Variants in GMDS observed in about 807,000 individuals in gnomAD.
GMDS encodes GDP-mannose 4,6 dehydratase.
Under a neutral mutation model 49.9 loss-of-function variants are expected in GMDS, and 20 were observed. That is an observed-to-expected ratio of 0.40 (90% CI 0.28 to 0.58). The LOEUF is 0.58. Ranked by LOEUF, GMDS falls within the 20% of genes least tolerant of loss-of-function variation. The pLI, the probability that GMDS is intolerant of heterozygous loss-of-function variation, is 0.42. For missense variants in GMDS, 362 were observed against 481.4 expected (o/e 0.75, Z 2.32); for synonymous variants, 177 against 178.6 (o/e 0.99, Z 0.07).
rs539978364 is a variant in GMDS at position 2,044,900 on chromosome 6, G to GT, written c.345+70870dup. Among the ~76,000 whole-genome samples the GT allele has an allele frequency of 6.4e-4, 93 of 144,478 alleles. 2 individuals are homozygous for GT. In the East Asian group the frequency reaches 0.015, roughly 23 times the overall value. The allele number at this position is 144,478 out of a possible 152,430, so 94.8% of individuals were successfully genotyped here. A position where few individuals can be genotyped will look rare whatever the true frequency, so the allele number is the denominator to read the frequency against. Reference sequence around the variant, plus strand: ...TTCTTTTCTGTGTGTGTGTGTGTGTGTTTTTTTCAGGCCTTTGATAACTTT... The same window carrying GT: ...TTCTTTTCTGTGTGTGTGTGTGTGTGTTTTTTTTCAGGCCTTTGATAACTTT... On this transcript the variant is annotated intron_variant, in intron 4 of 10. Transcript: ENST00000380815.
At chr6:1,656,546 G>A (rs62390653) in intron 9 of GMDS, among the ~76,000 whole-genome samples, 19,491 of 152,058 alleles carry the variant, frequency 0.13, 1,695 homozygotes, top group Non-Finnish European at 0.18. Context: ...GGCAGATCAC[G>A]AGGTCAGGAG....
intron 4 of GMDS, among the ~76,000 whole-genome samples, chr6:2,058,939 G>A (rs999245058): frequency 6.6e-6 from 1 of 152,018 alleles, no homozygotes; most frequent in Non-Finnish European, 1.5e-5. Flanking sequence ...AATTTGGGGG[G>A]CCAAGGTGAG....
intron 8 of GMDS, among the ~76,000 whole-genome samples, chr6:1,737,918 CACAG>C (rs778552976): frequency 6.7e-6 from 1 of 148,576 alleles, no homozygotes; most frequent in African/African-American, 2.5e-5. Flanking sequence ...ACACACCACA[CACAG>C]ATACATACAC....
chr6:1,914,929 G>A (rs1338591707), intron 7 of GMDS, among the ~76,000 whole-genome samples: 3 of 152,218 alleles, frequency 2.0e-5, no homozygotes, highest in East Asian at 1.9e-4. Context: ...AGAAGTGTGC[G>A]AGGTTGTCAT....
chr6:2,096,311 G>A (rs1773601792), intron 4 of GMDS, among the ~76,000 whole-genome samples: 1 of 151,956 alleles, frequency 6.6e-6, no homozygotes, highest in African/African-American at 2.4e-5. Flanking sequence ...CTTAAAGCAG[G>A]GACCTGTACA....
At position 1,672,806 on chromosome 6, in the gene GMDS, C is replaced by T. The variant is rs758420139; in HGVS notation, c.988-48266G>A. On this transcript the variant is annotated intron_variant, in intron 9 of 10. Transcript: ENST00000380815. ...CTGGGGTTAACTGTGCTCTGTCTGA[C>T]GCTGCATTCTTCTGACCCTTTCTTA... is the stretch of plus-strand genomic sequence containing the variant. Among the ~76,000 whole-genome samples the T allele has an allele frequency of 5.3e-5, 8 of 152,304 alleles. No individual in the cohort carries two copies. The South Asian group carries it at 6.2e-4, about 12-fold the overall frequency.
intron 7 of GMDS, among the ~76,000 whole-genome samples, chr6:1,914,463 T>C (rs1761268581): frequency 6.9e-6 from 1 of 144,136 alleles, no homozygotes; most frequent in African/African-American, 2.6e-5. Flanking sequence ...CAAGACTCTG[T>C]CTCAAAAAAA....
chr6:1,845,534 GCT>G (rs1044319370), intron 7 of GMDS, among the ~76,000 whole-genome samples: 4 of 152,282 alleles, frequency 2.6e-5, no homozygotes, highest in Admixed American at 2.6e-4. Flanking sequence ...TTCTCAGGTG[GCT>G]CTCTACTACT....
At chr6:1,741,758 G>A (rs1365857770) in intron 8 of GMDS, among the ~76,000 whole-genome samples, 1 of 120,870 alleles carries the variant, frequency 8.3e-6, no homozygotes, top group Non-Finnish European at 1.6e-5. Flanking sequence ...GTTGCAGTGA[G>A]CCAAGATCGC....
chr6:1,905,216 G>T (rs1365539803), intron 7 of GMDS, among the ~76,000 whole-genome samples: 1 of 152,254 alleles, frequency 6.6e-6, no homozygotes, highest in Non-Finnish European at 1.5e-5. Flanking sequence ...TTCCACACTG[G>T]GCCTCACCCC....
chr6:1,771,282 C>T (rs1768566647), intron 7 of GMDS, among the ~76,000 whole-genome samples: 1 of 152,156 alleles, frequency 6.6e-6, no homozygotes, highest in African/African-American at 2.4e-5. Context: ...TCTTCTCTTC[C>T]TCCTCACTCT....
At chr6:1,948,698 T>C (rs1452630745) in intron 6 of GMDS, among the ~76,000 whole-genome samples, 2 of 152,192 alleles carry the variant, frequency 1.3e-5, no homozygotes, top group African/African-American at 2.4e-5. Context: ...TCACTAATTT[T>C]CTTAAGAATC....
intron 4 of GMDS, among the ~76,000 whole-genome samples, chr6:2,073,732 T>G (rs2127461188): frequency 6.6e-6 from 1 of 152,358 alleles, no homozygotes; most frequent in South Asian, 2.1e-4. Context: ...GGTAAGTTTT[T>G]TAGCTCACAC....
At chr6:1,978,355 G>C (rs554226817) in intron 4 of GMDS, among the ~76,000 whole-genome samples, 23 of 152,192 alleles carry the variant, frequency 1.5e-4, no homozygotes, top group Non-Finnish European at 3.1e-4. Flanking sequence ...CTGGGATGGA[G>C]TGCCTGGAAG....
At chr6:1,877,580 G>A (rs1156638636) in intron 7 of GMDS, among the ~76,000 whole-genome samples, 1 of 146,954 alleles carries the variant, frequency 6.8e-6, no homozygotes. Context: ...TGAGGCTGCA[G>A]TGAGCTATGA....
intron 4 of GMDS, among the ~76,000 whole-genome samples, chr6:2,043,873 AAC>A (rs1404373601): frequency 3.7e-4 from 56 of 149,870 alleles, no homozygotes; most frequent in Non-Finnish European, 7.0e-4. Flanking sequence ...CAGAAAAAAA[AAC>A]AACAACAACC....
At chr6:1,651,031 C>T (rs1763638146) in intron 9 of GMDS, among the ~76,000 whole-genome samples, 1 of 152,248 alleles carries the variant, frequency 6.6e-6, no homozygotes. Context: ...GCCAGCTCTA[C>T]AGTGAAGATT....
chr6:2,236,657 A>C (rs926769539), intron 1 of GMDS, among the ~76,000 whole-genome samples: 1 of 152,254 alleles, frequency 6.6e-6, no homozygotes, highest in African/African-American at 2.4e-5. Flanking sequence ...AGTTCGAATA[A>C]AGCAATACTA....
chr6:1,868,716 A>C (rs1758566670), intron 7 of GMDS, among the ~76,000 whole-genome samples: 1 of 152,192 alleles, frequency 6.6e-6, no homozygotes, highest in African/African-American at 2.4e-5. Context: ...ATGTGCTGCA[A>C]AGGTTACAAG....
Sources: gnomAD v4.1 joint callset for allele counts (sites outside exome capture counted in the v4.1 genomes callset) on GRCh38, gnomAD v4.1.1 for gene constraint, MANE v1.5 for transcripts, NCBI Gene and HGNC (gene_info 2026-07-23, HGNC 2026-07-21) for gene names.